Variants in ZBTB20 observed in about 807,000 individuals in gnomAD.
ZBTB20 encodes zinc finger and BTB domain-containing protein 20.
Under a neutral mutation model 56.9 loss-of-function variants are expected in ZBTB20, and 9 were observed. That is an observed-to-expected ratio of 0.16 (90% CI 0.10 to 0.28). The LOEUF (loss-of-function observed/expected upper bound fraction) is 0.28. Among genes scored for constraint, ZBTB20 ranks in the 10% least tolerant of loss-of-function variants. The probability of loss-of-function intolerance (pLI) is 1.00; values close to 1 mark genes in which losing one functional copy is unlikely to be tolerated. For synonymous variants in ZBTB20, 417 were observed against 420.7 expected (o/e 0.99, Z 0.11); for missense variants, 655 against 1,003.0 (o/e 0.65, Z 4.69).
At chr3:115,061,269 C>G (rs575526755) in intron 2 of ZBTB20, among the ~76,000 whole-genome samples, 1 of 152,116 alleles carries the variant, frequency 6.6e-6, no homozygotes, top group African/African-American at 2.4e-5. Flanking sequence ...TTATTTGCTT[C>G]CTTTTGGTTT....
chr3:114,682,645 C>A (rs2062052099), intron 6 of ZBTB20, among the ~76,000 whole-genome samples: 1 of 152,204 alleles, frequency 6.6e-6, no homozygotes, highest in South Asian at 2.1e-4. Context: ...TGGTATCAAT[C>A]ACTAACACAA....
At chr3:114,344,389 T>G (rs1455831053) in intron 11 of ZBTB20, among the ~76,000 whole-genome samples, 1 of 152,206 alleles carries the variant, frequency 6.6e-6, no homozygotes, top group African/African-American at 2.4e-5. Context: ...CAGTAGCACC[T>G]GAGAGTATAA....
At chr3:114,964,202 G>T (rs958026105) in intron 3 of ZBTB20, among the ~76,000 whole-genome samples, 2 of 152,064 alleles carry the variant, frequency 1.3e-5, no homozygotes, top group African/African-American at 2.4e-5. Flanking sequence ...ATCACCTGAG[G>T]TCGGGAGTTC....
chr3:114,440,751 A>G (rs1406853022), intron 7 of ZBTB20, among the ~76,000 whole-genome samples: 3 of 152,184 alleles, frequency 2.0e-5, no homozygotes, highest in Non-Finnish European at 4.4e-5. Context: ...AGCTAGTCCA[A>G]AGGCTCTGAA....
intron 1 of ZBTB20, among the ~76,000 whole-genome samples, chr3:115,144,083 C>A (rs1012705410): frequency 6.6e-6 from 1 of 152,192 alleles, no homozygotes; most frequent in Non-Finnish European, 1.5e-5. Context: ...ATTTAACCAT[C>A]CATTTCAGAA....
Position 114,316,684 on chromosome 3 carries a change from AT to A in ZBTB20, c.*22320del. ...AGCTTTAATTTATTTTTTAAAGTGC[AT>A]TTTCAATGCAGAAAAACTGTAATCC... On this transcript the variant is annotated 3_prime_UTR_variant, in exon 12 of 12. Coordinates refer to ENST00000675478, the MANE Select transcript of ZBTB20 (RefSeq NM_001348800.3). 2.5e-6 allele frequency: 1 copy of A among 403,968 alleles called. No homozygotes were observed. 25.0% of individuals were successfully genotyped at this position (403,968 alleles called of 1,614,324 possible). A position where few individuals can be genotyped will look rare whatever the true frequency, so the allele number is the denominator to read the frequency against.
intron 6 of ZBTB20, among the ~76,000 whole-genome samples, chr3:114,650,631 T>G (rs2060080512): frequency 6.6e-6 from 1 of 151,928 alleles, no homozygotes; most frequent in African/African-American, 2.4e-5. Context: ...TTAAAGGTCT[T>G]GGACATAAAT....
chr3:115,059,597 G>A (rs911391381), intron 2 of ZBTB20, among the ~76,000 whole-genome samples: 1 of 152,112 alleles, frequency 6.6e-6, no homozygotes, highest in African/African-American at 2.4e-5. Context: ...GCATTCAATA[G>A]GCTCAAGGCA....
intron 5 of ZBTB20, among the ~76,000 whole-genome samples, chr3:114,755,228 C>CGAAGA (rs1441498712): frequency 6.6e-6 from 1 of 152,096 alleles, no homozygotes; most frequent in Non-Finnish European, 1.5e-5. Flanking sequence ...CTTTTCAATA[C>CGAAGA]GAAGAGAAGA....
intron 4 of ZBTB20, among the ~76,000 whole-genome samples, chr3:114,862,791 G>A (rs926611405): frequency 3.2e-4 from 48 of 152,084 alleles, no homozygotes; most frequent in African/African-American, 1.1e-3. Context: ...TGTAAGTTGG[G>A]GGCATCATAT....
intron 2 of ZBTB20, among the ~76,000 whole-genome samples, chr3:115,027,840 C>T (rs1284386419): frequency 6.7e-6 from 1 of 150,284 alleles, no homozygotes; most frequent in Non-Finnish European, 1.5e-5. Flanking sequence ...TTTTAACAGG[C>T]CAATAAATTT....
chr3:115,025,531 C>T (rs902261388), intron 2 of ZBTB20, among the ~76,000 whole-genome samples: 1 of 150,402 alleles, frequency 6.6e-6, no homozygotes, highest in Admixed American at 6.7e-5. Flanking sequence ...GTATGATTCC[C>T]ACAATAAAAG....
At chr3:114,366,206 A>G (rs1830095) in intron 10 of ZBTB20, among the ~76,000 whole-genome samples, 65,822 of 152,040 alleles carry the variant, frequency 0.43, 14,586 homozygotes, top group Non-Finnish European at 0.46. Context: ...TTTACTTGAG[A>G]AAAAGGAATA....
chr3:114,368,234 G>T (rs1205819162), intron 10 of ZBTB20, among the ~76,000 whole-genome samples: 1 of 152,124 alleles, frequency 6.6e-6, no homozygotes, highest in East Asian at 1.9e-4. Flanking sequence ...TTAATTAAAG[G>T]CACATAAAAT....
chr3:114,563,805 G>A (rs149175668), intron 6 of ZBTB20, among the ~76,000 whole-genome samples: 92 of 152,252 alleles, frequency 6.0e-4, no homozygotes, highest in African/African-American at 2.1e-3. Context: ...AGAAGATTAA[G>A]TTAATAAAGG....
At chr3:115,139,070 T>C (rs2084736453) in intron 1 of ZBTB20, among the ~76,000 whole-genome samples, 1 of 152,096 alleles carries the variant, frequency 6.6e-6, no homozygotes, top group Non-Finnish European at 1.5e-5. Flanking sequence ...CAATTTCTCC[T>C]GATTAGCTAG....
intron 1 of ZBTB20, 143 bp downstream of exon 1, chr3:115,147,076 C>T (rs962342738): frequency 6.8e-6 from 1 of 147,246 alleles, no homozygotes; most frequent in African/African-American, 2.5e-5. Flanking sequence ...AACTCGCTCC[C>T]CCAACCCCAC....
intron 11 of ZBTB20, among the ~76,000 whole-genome samples, chr3:114,347,496 A>G (rs368837839): frequency 5.9e-4 from 90 of 152,170 alleles, no homozygotes; most frequent in East Asian, 2.3e-3. Flanking sequence ...TTGAATTTTT[A>G]TCACTTCCAC....
At chr3:114,645,323 A>AT (rs2059780207) in intron 6 of ZBTB20, among the ~76,000 whole-genome samples, 1 of 152,158 alleles carries the variant, frequency 6.6e-6, no homozygotes, top group Non-Finnish European at 1.5e-5. Flanking sequence ...ACTATATGTG[A>AT]TTACTTAATA....
Sources: allele counts gnomAD v4.1 joint callset (sites outside exome capture counted in the v4.1 genomes callset), GRCh38; gene constraint gnomAD v4.1.1; transcripts MANE v1.5; gene names NCBI Gene and HGNC (gene_info 2026-07-23, HGNC 2026-07-21).